Variants in ERMP1 observed in about 807,000 individuals in gnomAD.
The protein encoded by ERMP1 is endoplasmic reticulum metallopeptidase 1.
ERMP1 carries 86 observed loss-of-function variants against 92.0 expected under a neutral mutation model. The ratio of observed to expected loss-of-function variants is 0.93; its 90% CI spans 0.79 to 1.12. ERMP1 has a LOEUF of 1.12. Ranked by LOEUF, ERMP1 falls within the 50% of genes most tolerant of loss-of-function variation. The probability of loss-of-function intolerance (pLI) is 0.00; values close to 1 mark genes in which losing one functional copy is unlikely to be tolerated. For missense variants in ERMP1, 1,342 were observed against 1,116.3 expected (o/e 1.20, Z -2.88); for synonymous variants, 530 against 412.8 (o/e 1.28, Z -3.44).
intron 13 of ERMP1, among the ~76,000 whole-genome samples, chr9:5,791,669 T>C (rs1828203601): frequency 6.6e-6 from 1 of 152,198 alleles, no homozygotes; most frequent in African/African-American, 2.4e-5. Context: ...AAATGTCATA[T>C]GTCTTGACAT....
intron 13 of ERMP1, among the ~76,000 whole-genome samples, chr9:5,789,388 G>A (rs1307941270): frequency 2.6e-5 from 4 of 152,146 alleles, no homozygotes; most frequent in Non-Finnish European, 5.9e-5. Context: ...ATTGGAAAAC[G>A]TGAACCAAAG....
intron 1 of ERMP1, among the ~76,000 whole-genome samples, chr9:5,832,242 A>G (rs1586828205): frequency 6.6e-6 from 1 of 152,118 alleles, no homozygotes; most frequent in African/African-American, 2.4e-5. Flanking sequence ...GGGGGCTGTA[A>G]CCCTCAGAAA....
At chr9:5,787,686 C>A (rs1828002279) in intron 13 of ERMP1, 93 bp from the exon 14 acceptor site, 1 of 1,269,984 alleles carries the variant, frequency 7.9e-7, no homozygotes, top group Non-Finnish European at 1.1e-6. Flanking sequence ...AAGGTTCATG[C>A]CTGCATGACT....
chr9:5,850,159 G>T (rs2129754534), intron 6 of ERMP1, among the ~76,000 whole-genome samples: 1 of 152,122 alleles, frequency 6.6e-6, no homozygotes, highest in Middle Eastern at 3.4e-3. Context: ...TGGATCATCG[G>T]CATCAGAATT....
At chr9:5,841,948 A>C (rs1830168480) in intron 6 of ERMP1, among the ~76,000 whole-genome samples, 1 of 152,058 alleles carries the variant, frequency 6.6e-6, no homozygotes, top group Non-Finnish European at 1.5e-5. Flanking sequence ...TACAGCTCTT[A>C]AAGGTGGCGC....
At chr9:5,834,809 C>T (rs911187939), upstream of ERMP1, among the ~76,000 whole-genome samples, 15 of 143,380 alleles carry the variant, frequency 1.0e-4, 1 homozygote, top group Admixed American at 7.3e-4. Flanking sequence ...CTGTTGGGGA[C>T]GGGTAGATCT....
chr9:5,803,135 G>C (rs956715121), intron 10 of ERMP1, among the ~76,000 whole-genome samples: 4 of 152,128 alleles, frequency 2.6e-5, no homozygotes, highest in Non-Finnish European at 5.9e-5. Context: ...GGACTGAAGG[G>C]AAAGCTGTCT....
intron 13 of ERMP1, among the ~76,000 whole-genome samples, chr9:5,793,513 G>C (rs1586767497): frequency 6.6e-6 from 1 of 152,106 alleles, no homozygotes. Context: ...CGTCAGGGTG[G>C]ATCAAAAAAC....
In ERMP1 at chr9:5,832,759, A is replaced by G. The variant is rs1259468215; in HGVS notation, c.269T>C (p.Leu90Pro). Residue 90 changes from leucine (L) to proline (P), a missense_variant, in exon 1 of 15, where the codon CTC becomes CCC. By Grantham distance (98) the Leu-to-Pro change is moderately conservative (BLOSUM62 -3). Coordinates refer to ENST00000339450, the MANE Select transcript of ERMP1 (RefSeq NM_024896.3). ...YLIALRTLVQ[L>P]SLQQLVLRGA... ...GCGTAGCACGAGCTGCTGCAGCGAG[A>G]GCTGCACCAGCGTCCGCAGCGCGAT... 2 of 1,497,772 alleles carry G rather than the reference A, an allele frequency of 1.3e-6. No homozygotes were observed. The highest frequency in any genetic ancestry group is 1.8e-6 in the Non-Finnish European group (2 of 1,131,522). The allele number at this position is 1,497,772 out of a possible 1,614,324, so 92.8% of individuals were successfully genotyped here.
intron 6 of ERMP1, among the ~76,000 whole-genome samples, chr9:5,853,635 G>A (rs578140545): frequency 6.6e-6 from 1 of 152,038 alleles, no homozygotes; most frequent in African/African-American, 2.4e-5. Context: ...TAGAGAGCCT[G>A]GCAAGGGTCC....
intron 6 of ERMP1, chr9:5,856,416 T>G (rs917857805): frequency 5.8e-6 from 1 of 173,012 alleles, no homozygotes; most frequent in African/African-American, 2.4e-5. Flanking sequence ...GTGCAGGAGT[T>G]TGGAAGCCAT....
intron 5 of ERMP1, among the ~76,000 whole-genome samples, chr9:5,861,285 T>C (rs1267597281): frequency 1.3e-5 from 2 of 151,118 alleles, no homozygotes; most frequent in Admixed American, 6.6e-5. Flanking sequence ...CAAAGTATTA[T>C]CCCAGGATGT....
chr9:5,810,387 A>C (rs185481187), intron 7 of ERMP1, among the ~76,000 whole-genome samples, 156 bp from the exon 8 acceptor site: 149 of 152,340 alleles, frequency 9.8e-4, no homozygotes, highest in Non-Finnish European at 1.9e-3. Context: ...GGCCAAACAC[A>C]AGAACAAGGG....
In ERMP1 at chr9:5,809,540, C is replaced by CT. The variant is rs1000054927; in HGVS notation, c.1548+470dup. Among the ~76,000 whole-genome samples, 5 of 152,256 alleles carry CT rather than the reference C, an allele frequency of 3.3e-5. No individual in the cohort carries two copies. The East Asian group carries it at 9.6e-4, about 29-fold the overall frequency. On this transcript the variant is annotated intron_variant, in intron 8 of 14. Transcript: ENST00000339450. ...AACAGTGAGGGAAAAACTGAAAAAACTTTAAGTACAACATTCTTTTAGGCA... is the reference window on the plus strand; with the variant it reads ...AACAGTGAGGGAAAAACTGAAAAAACTTTTAAGTACAACATTCTTTTAGGCA...
intron 2 of ERMP1, 66 bp downstream of exon 2, chr9:5,830,661 T>G: frequency 7.5e-7 from 1 of 1,339,266 alleles, no homozygotes; most frequent in Non-Finnish European, 1.0e-6. Flanking sequence ...CCAAGTAGCT[T>G]GGGGTTATGT....
chr9:5,834,725 G>GTGTGTC (rs1830064128), upstream of ERMP1, among the ~76,000 whole-genome samples: 1 of 150,478 alleles, frequency 6.6e-6, no homozygotes, highest in East Asian at 2.0e-4. Flanking sequence ...GTGTGTGTGT[G>GTGTGTC]TGTGTGTGTG....
intron 6 of ERMP1, among the ~76,000 whole-genome samples, chr9:5,854,016 G>C (rs1446228189): frequency 6.6e-6 from 1 of 151,908 alleles, no homozygotes; most frequent in African/African-American, 2.4e-5. Flanking sequence ...GAAGTGAAGA[G>C]CCAAAGAAGC....
chr9:5,852,747 T>C (rs1364790171), intron 6 of ERMP1, among the ~76,000 whole-genome samples: 1 of 152,044 alleles, frequency 6.6e-6, no homozygotes, highest in Non-Finnish European at 1.5e-5. Flanking sequence ...TGTATTTTAA[T>C]AAGCTGCCTC....
At chr9:5,805,428 T>C (rs764051397) in intron 9 of ERMP1, among the ~76,000 whole-genome samples, 183 bp downstream of exon 9, 2 of 152,170 alleles carry the variant, frequency 1.3e-5, no homozygotes, top group African/African-American at 2.4e-5. Flanking sequence ...TATATTAGTA[T>C]GTGTTCACAA....
Sources: allele counts gnomAD v4.1 joint callset (sites outside exome capture counted in the v4.1 genomes callset), GRCh38; gene constraint gnomAD v4.1.1; transcripts MANE v1.5; gene names NCBI Gene and HGNC (gene_info 2026-07-23, HGNC 2026-07-21).